GALNT13: variants seen among roughly 807,000 people sequenced by gnomAD.
GALNT13 encodes the protein UDP-GalNAc:polypeptide N-acetylgalactosaminyltransferase 13.
GALNT13 carries 28 observed loss-of-function variants against 64.2 expected under a neutral mutation model. The observed-to-expected ratio is 0.44, with a 90% CI of 0.32 to 0.60. The LOEUF (loss-of-function observed/expected upper bound fraction) is 0.60. Ranked by LOEUF, GALNT13 falls within the 20% of genes least tolerant of loss-of-function variation. GALNT13 has a pLI of 0.05. For synonymous variants in GALNT13, 214 were observed against 224.6 expected, an observed-to-expected ratio of 0.95 and a Z score of 0.42; for missense variants, 577 against 669.8, an observed-to-expected ratio of 0.86 and a Z score of 1.53.
the GALNT13 span, among the ~76,000 whole-genome samples, chr2:153,770,632 G>C: frequency 6.6e-6 from 1 of 152,200 alleles, no homozygotes; most frequent in Admixed American, 6.5e-5. Flanking sequence ...TTTGCATCAA[G>C]GATCAAGTAT....
chr2:153,370,488 C>A, the GALNT13 span: 1 of 152,114 alleles, frequency 6.6e-6, no homozygotes, highest in Non-Finnish European at 1.5e-5. Context: ...GAGTTTGTCC[C>A]TGGAAGTCAA....
At chr2:153,314,182 A>G in the GALNT13 span, among the ~76,000 whole-genome samples, 1 of 152,216 alleles carries the variant, frequency 6.6e-6, no homozygotes, top group Non-Finnish European at 1.5e-5. Context: ...GCATATTTGA[A>G]GAGGCATAAG....
upstream of GALNT13, among the ~76,000 whole-genome samples, chr2:153,868,159 C>T (rs987082011): frequency 6.6e-6 from 1 of 152,174 alleles, no homozygotes; most frequent in Non-Finnish European, 1.5e-5. Context: ...TAGCTCACTG[C>T]TGTATTCCCA....
the GALNT13 span, among the ~76,000 whole-genome samples, chr2:153,487,608 T>C: frequency 6.6e-6 from 1 of 152,094 alleles, no homozygotes; most frequent in East Asian, 1.9e-4. Flanking sequence ...CTGTGGGAAA[T>C]GTATGAAGAG....
the GALNT13 span, among the ~76,000 whole-genome samples, chr2:153,457,142 G>A: frequency 6.6e-6 from 1 of 152,202 alleles, no homozygotes; most frequent in Non-Finnish European, 1.5e-5. Context: ...ATTGGTCTCA[G>A]CCTGAAGATT....
chr2:154,375,984 G>T (rs1325497442), intron 9 of GALNT13, among the ~76,000 whole-genome samples: 1 of 152,146 alleles, frequency 6.6e-6, no homozygotes, highest in Non-Finnish European at 1.5e-5. Flanking sequence ...GGACGTAGTT[G>T]TTACTGAATA....
chr2:153,393,986 ACACACC>A, the GALNT13 span, among the ~76,000 whole-genome samples: 6,357 of 98,142 alleles, frequency 0.065, 184 homozygotes, highest in African/African-American at 0.12. Context: ...ACACACACAC[ACACACC>A]CCCTATTGGT....
the GALNT13 span, among the ~76,000 whole-genome samples, chr2:153,689,981 C>T: frequency 1.4e-4 from 21 of 151,980 alleles, no homozygotes; most frequent in African/African-American, 5.1e-4. Flanking sequence ...CATTTTTATC[C>T]TCTTTACAAT....
In GALNT13 at chr2:154,386,432, A is replaced by G. The variant is rs548823957; in HGVS notation, c.1157-9559A>G. Among the ~76,000 whole-genome samples, 4 of 152,206 alleles carry G rather than the reference A, an allele frequency of 2.6e-5. No individual in the cohort carries two copies. The South Asian group carries it at 8.3e-4, about 32-fold the overall frequency. The stretch of plus-strand genomic sequence containing the variant: ...TGGTAAGTTTCAGTTCCTTGATACT[A>G]TCTGGGTGGCCTGATGGTTGGTTTC... On this transcript the variant is annotated intron_variant, in intron 9 of 12. Transcript: ENST00000392825.
chr2:154,327,999 A>G (rs1694967326), intron 9 of GALNT13, among the ~76,000 whole-genome samples: 1 of 152,048 alleles, frequency 6.6e-6, no homozygotes, highest in Admixed American at 6.6e-5. Context: ...TGTATTTGTT[A>G]TATTTTTAAA....
At chr2:153,191,184 A>T in the GALNT13 span, among the ~76,000 whole-genome samples, 1 of 152,122 alleles carries the variant, frequency 6.6e-6, no homozygotes. Context: ...GCTTTTTCCC[A>T]TTCAGTATGA....
the GALNT13 span, among the ~76,000 whole-genome samples, chr2:153,345,701 TTCTC>T: frequency 1.1e-5 from 1 of 94,680 alleles, no homozygotes; most frequent in Non-Finnish European, 2.4e-5. Context: ...CTTTCTTTCT[TTCTC>T]TTTCTCTCTT....
At chr2:153,749,901 G>A in the GALNT13 span, among the ~76,000 whole-genome samples, 1 of 151,876 alleles carries the variant, frequency 6.6e-6, no homozygotes, top group Non-Finnish European at 1.5e-5. Flanking sequence ...TTCTTGTCAT[G>A]TCCCAGATCT....
intron 2 of GALNT13, among the ~76,000 whole-genome samples, chr2:153,927,326 G>T (rs1276238836): frequency 1.3e-5 from 2 of 151,918 alleles, no homozygotes; most frequent in African/African-American, 4.8e-5. Flanking sequence ...AAATTAATTA[G>T]AAGTTTTGCA....
the GALNT13 span, among the ~76,000 whole-genome samples, chr2:153,255,550 G>T: frequency 7.9e-5 from 12 of 151,816 alleles, no homozygotes; most frequent in African/African-American, 2.9e-4. Context: ...AGTTGATGCA[G>T]TTTCTTCCTA....
the GALNT13 span, among the ~76,000 whole-genome samples, chr2:153,345,871 C>T: frequency 7.2e-5 from 11 of 151,734 alleles, no homozygotes; most frequent in African/African-American, 2.7e-4. Flanking sequence ...TCACAGCTCA[C>T]TGCAGTTTCG....
At chr2:154,161,827 C>A (rs1684745071) in intron 4 of GALNT13, among the ~76,000 whole-genome samples, 1 of 151,110 alleles carries the variant, frequency 6.6e-6, no homozygotes, top group South Asian at 2.1e-4. Context: ...GTTGCCCAGG[C>A]TAGAGTACAG....
At chr2:154,388,635 C>G (rs1293444571) in intron 9 of GALNT13, among the ~76,000 whole-genome samples, 2 of 152,046 alleles carry the variant, frequency 1.3e-5, no homozygotes, top group Non-Finnish European at 2.9e-5. Context: ...ATACCATTTA[C>G]AATTTGGTAT....
chr2:154,258,904 T>A (rs1690533833), intron 7 of GALNT13, 117 bp from the exon 8 acceptor site: 1 of 596,084 alleles, frequency 1.7e-6, no homozygotes, highest in Non-Finnish European at 3.0e-6. Context: ...ACTTTGTGTT[T>A]TTAGTTTGAG....
Sources: gnomAD v4.1 joint callset for allele counts (sites outside exome capture counted in the v4.1 genomes callset) on GRCh38, gnomAD v4.1.1 for gene constraint, MANE v1.5 for transcripts, NCBI Gene and HGNC (gene_info 2026-07-23, HGNC 2026-07-21) for gene names.